The following NAPA variants were observed in gnomAD, a reference collection of about 807,000 sequenced individuals.
The protein encoded by NAPA is NSF attachment protein alpha.
A neutral mutation model predicts 48.0 loss-of-function variants in NAPA; 18 were observed. That is an observed-to-expected ratio of 0.38 (90% CI 0.26 to 0.56). The LOEUF is 0.56. Ranked by LOEUF, NAPA falls within the 20% of genes least tolerant of loss-of-function variation. The pLI, the probability that NAPA is intolerant of heterozygous loss-of-function variation, is 0.77. For synonymous variants in NAPA, 152 were observed against 149.9 expected, an observed-to-expected ratio of 1.01 and a Z score of -0.10; for missense variants, 315 against 385.0, an observed-to-expected ratio of 0.82 and a Z score of 1.52.
At chr19:47,503,388 A>G in intron 2 of NAPA, 35 bp downstream of exon 2, 1 of 1,587,498 alleles carries the variant, frequency 6.3e-7, no homozygotes, top group African/African-American at 1.3e-5. Context: ...GGAGGAGGAG[A>G]GCACCTTGGA....
At position 47,490,162 on chromosome 19, in the gene NAPA, T is replaced by G. The variant is rs536241662; in HGVS notation, c.736-401A>C. 1.1e-3 allele frequency among the ~76,000 whole-genome samples: 163 copies of G among 145,840 alleles called. 2 individuals carry two copies. The highest frequency in any genetic ancestry group is 3.8e-3 in the Middle Eastern group (1 of 266). ...GTGTGTGGTGTGTTCGGTGTGTGTG[T>G]GGGGTGTGTGTGGTGTGTGTAGTGT... On this transcript the variant is annotated intron_variant, in intron 9 of 10. Coordinates refer to ENST00000263354, the MANE Select transcript of NAPA (RefSeq NM_003827.4).
intron 9 of NAPA, among the ~76,000 whole-genome samples, 191 bp downstream of exon 9, chr19:47,490,597 A>G (rs1054547670): frequency 2.6e-4 from 40 of 151,590 alleles, no homozygotes; most frequent in Admixed American, 2.6e-3. Flanking sequence ...GAGCTCCAGC[A>G]CTCCCCGAGT....
chr19:47,489,459 T>C, intron 10 of NAPA: 2 of 564,674 alleles, frequency 3.5e-6, no homozygotes, highest in Middle Eastern at 4.7e-4. Flanking sequence ...ACCAGCTCTG[T>C]CCCTGAGGGG....
chr19:47,495,640 C>A, intron 3 of NAPA, 44 bp from the exon 4 acceptor site: 1 of 1,599,976 alleles, frequency 6.3e-7, no homozygotes, highest in Non-Finnish European at 8.6e-7. Flanking sequence ...AAAGTGAAGT[C>A]GTTTCAGCAG....
intron 2 of NAPA, 128 bp from the exon 3 acceptor site, chr19:47,500,877 G>A: frequency 1.5e-6 from 1 of 653,474 alleles, no homozygotes; most frequent in Non-Finnish European, 2.5e-6. Context: ...GACAGGACGA[G>A]GGTGACCTGA....
intron 1 of NAPA, among the ~76,000 whole-genome samples, chr19:47,504,370 G>A (rs901504575): frequency 7.3e-6 from 1 of 137,088 alleles, no homozygotes; most frequent in African/African-American, 2.7e-5. Context: ...ACTCCAGCCT[G>A]GACGACGACA....
chr19:47,508,453 C>T (rs2122775819), intron 1 of NAPA, among the ~76,000 whole-genome samples: 1 of 152,332 alleles, frequency 6.6e-6, no homozygotes, highest in African/African-American at 2.4e-5. Flanking sequence ...TCTGCTTTCC[C>T]ATCTCTCCAC....
At chr19:47,508,960 C>T (rs1450705900) in intron 1 of NAPA, among the ~76,000 whole-genome samples, 3 of 152,030 alleles carry the variant, frequency 2.0e-5, no homozygotes, top group Non-Finnish European at 4.4e-5. Context: ...CCTACAGTCC[C>T]AGCTACTTGG....
rs2122714832 is a variant in NAPA at position 47,487,715 on chromosome 19, G to T, written c.*573C>A. The T allele has an allele frequency of 6.6e-6, 1 of 152,610 alleles. No individual in the cohort carries two copies. The highest frequency in any genetic ancestry group is 1.9e-4 in the East Asian group (1 of 5,196). 9.5% of individuals were successfully genotyped at this position (152,610 alleles called of 1,614,324 possible). On this transcript the variant is annotated 3_prime_UTR_variant, in exon 11 of 11. Transcript: ENST00000263354. Reference sequence around the variant, plus strand: ...ACCAAGAAAACCTCAAAGCATTAGGGAAGGAGCAGGTGTGGGGCTGGGGTG... The same window carrying T: ...ACCAAGAAAACCTCAAAGCATTAGGTAAGGAGCAGGTGTGGGGCTGGGGTG...
chr19:47,495,497 C>T (rs1968397396), intron 4 of NAPA, 53 bp downstream of exon 4: 1 of 1,581,158 alleles, frequency 6.3e-7, no homozygotes, highest in Non-Finnish European at 8.7e-7. Context: ...GGACGCAAGG[C>T]TGGGGCAATG....
chr19:47,492,751 G>A, intron 7 of NAPA: 1 of 691,582 alleles, frequency 1.4e-6, no homozygotes. Context: ...CAGGGAGAGA[G>A]ACGGTGCTGG....
chr19:47,506,648 A>G lies in NAPA; in HGVS notation c.99-3146T>C, dbSNP rs1968699063. ...GAGCAGAGTCAGCCCAGCCGGGTTT[A>G]TTTCAGGACGGACACAAAGCCTACC... On this transcript the variant is annotated intron_variant, in intron 1 of 10. Coordinates refer to ENST00000263354, the MANE Select transcript of NAPA (RefSeq NM_003827.4). The surrounding 1 kb of genome is among the most constrained non-coding windows in gnomAD (Gnocchi z 4.0). Among the ~76,000 whole-genome samples, 1 of 152,196 alleles carries G rather than the reference A, an allele frequency of 6.6e-6. No homozygotes were observed. The highest frequency in any genetic ancestry group is 2.1e-4 in the South Asian group (1 of 4,834).
rs768044320 is a variant in NAPA at position 47,493,431 on chromosome 19, C to T, written c.405G>A (p.Leu135=). The T allele has an allele frequency of 3.4e-5, 55 of 1,613,954 alleles. 1 individual carries two copies. In the Middle Eastern group the frequency reaches 6.6e-4, roughly 19 times the overall value. ...TGCCACTCACCTTCTCGATGTCCACCAACTCTGTCTCATAGATCTCAGCAA... is the reference window on the plus strand; with the variant it reads ...TGCCACTCACCTTCTCGATGTCCACTAACTCTGTCTCATAGATCTCAGCAA... The part of the protein sequence containing the change: ...ISIAEIYETE[L]VDIEKAIAHY... Residue 135 remains leucine, a synonymous_variant, in exon 5 of 11, where the codon TTG becomes TTA. Coordinates refer to ENST00000263354, the MANE Select transcript of NAPA (RefSeq NM_003827.4). The surrounding 1 kb of genome is among the most constrained non-coding windows in gnomAD (Gnocchi z 6.4).
rs149012477 is a variant in NAPA, at chr19:47,492,028, A to G, written c.653T>C (p.Met218Thr). The change falls in exon 8 of 11, where the codon ATG becomes ACG. Residue 218 changes from methionine (M) to threonine (T), a missense_variant. Physicochemically the swap from Met to Thr is moderately conservative, Grantham distance 81. This residue lies in a region of NAPA where 137 missense variants were observed against 150.1 expected (regional missense o/e 0.91). Coordinates refer to ENST00000263354, the MANE Select transcript of NAPA (RefSeq NM_003827.4). ...KAALCHFCID[M>T]LNAKLAVQKY... ...GGGGTGTGCTACCTTGGCGTTGAGC[A>G]TGTCGATGCAGAAGTGGCAGAGGGC... is the stretch of plus-strand genomic sequence containing the variant. 13 of 1,613,906 alleles carry G rather than the reference A, an allele frequency of 8.1e-6. No individual in the cohort carries two copies. The highest frequency in any genetic ancestry group is 9.3e-6 in the Non-Finnish European group (11 of 1,179,940).
rs76290402 is a variant in NAPA, at chr19:47,491,242, A to T, written c.667-386T>A. The stretch of plus-strand genomic sequence containing the variant: ...TGAGCCCCCTTTTCAAAGTGAGGAA[A>T]CAGATCCAGAGAGGGGCAGTGACCT... On this transcript the variant is annotated intron_variant, in intron 8 of 10. Coordinates refer to ENST00000263354, the MANE Select transcript of NAPA (RefSeq NM_003827.4). The T allele has an allele frequency of 6.1e-3, 1,233 of 202,190 alleles. 8 individuals carry two copies. Among genetic ancestry groups the T allele is most frequent in the Non-Finnish European group, 9.6e-3 (950 of 98,876 alleles). The allele number at this position is 202,190 out of a possible 1,614,324, so 12.5% of individuals were successfully genotyped here. A position where few individuals can be genotyped will look rare whatever the true frequency, so the allele number is the denominator to read the frequency against.
intron 1 of NAPA, 76 bp from the exon 2 acceptor site, chr19:47,503,578 C>A: frequency 2.1e-6 from 3 of 1,414,232 alleles, no homozygotes; most frequent in Admixed American, 1.7e-5. Context: ...TGCTCCAGTG[C>A]CGGGCACAGA....
At chr19:47,513,704 TCCC>T in intron 1 of NAPA, among the ~76,000 whole-genome samples, 1 of 151,778 alleles carries the variant, frequency 6.6e-6, no homozygotes, top group South Asian at 2.1e-4. Context: ...AGGAATTTGA[TCCC>T]CCGTTTTGGT....
chr19:47,495,634 T>A, intron 3 of NAPA, 38 bp from the exon 4 acceptor site: 1 of 1,606,044 alleles, frequency 6.2e-7, no homozygotes, highest in Non-Finnish European at 8.5e-7. Context: ...CATGAGAAAG[T>A]GAAGTCGTTT....
At chr19:47,498,911 C>G (rs1011636012) in intron 3 of NAPA, among the ~76,000 whole-genome samples, 5 of 152,322 alleles carry the variant, frequency 3.3e-5, no homozygotes, top group Admixed American at 6.5e-5. Context: ...TCAGCTCTAC[C>G]CAGGTGAGGC....
Sources: allele counts gnomAD v4.1 joint callset (sites outside exome capture counted in the v4.1 genomes callset), GRCh38; gene constraint gnomAD v4.1.1; regional missense constraint gnomAD v4.1.1; non-coding constraint Gnocchi (gnomAD v3.1); transcripts MANE v1.5; gene names NCBI Gene and HGNC (gene_info 2026-07-23, HGNC 2026-07-21).